FRMD6: variants seen among roughly 807,000 people sequenced by gnomAD.
The protein encoded by FRMD6 is FERM domain-containing protein 6.
FRMD6 carries 37 observed loss-of-function variants against 73.2 expected under a neutral mutation model. The ratio of observed to expected loss-of-function variants is 0.51; its 90% CI spans 0.39 to 0.66. The LOEUF is 0.66. FRMD6 is among the 30% of genes least tolerant of loss of function. The pLI is 0.00. For synonymous variants in FRMD6, 273 were observed against 282.2 expected, an observed-to-expected ratio of 0.97 and a Z score of 0.33; for missense variants, 714 against 780.5, an observed-to-expected ratio of 0.91 and a Z score of 1.02.
chr14:51,712,596 C>A, intron 9 of FRMD6, 45 bp downstream of exon 9: 1 of 1,221,044 alleles, frequency 8.2e-7, no homozygotes, highest in Admixed American at 1.9e-5. Flanking sequence ...TCATTAATTG[C>A]TTACTTTTTT....
At chr14:51,720,030 A>T in intron 10 of FRMD6, 25 bp from the exon 11 acceptor site, 1 of 1,577,340 alleles carries the variant, frequency 6.3e-7, no homozygotes, top group Non-Finnish European at 8.6e-7. Context: ...GTCTTGGTTA[A>T]TGAACTGTGT....
intron 1 of FRMD6, among the ~76,000 whole-genome samples, chr14:51,521,911 A>C (rs1884977226): frequency 6.6e-6 from 1 of 152,144 alleles, no homozygotes; most frequent in African/African-American, 2.4e-5. Context: ...AACAAATCAT[A>C]TTTGTGGTCA....
At chr14:51,532,350 C>T (rs532638494) in intron 1 of FRMD6, among the ~76,000 whole-genome samples, 1 of 126,334 alleles carries the variant, frequency 7.9e-6, no homozygotes, top group East Asian at 2.2e-4. Context: ...GCCTGGGTGA[C>T]AGAGCGAGAC....
At chr14:51,585,654 A>T (rs1313284652) in intron 2 of FRMD6, among the ~76,000 whole-genome samples, 1 of 151,894 alleles carries the variant, frequency 6.6e-6, no homozygotes, top group Non-Finnish European at 1.5e-5. Flanking sequence ...TGTTGTAAGG[A>T]TTAAAGGTTA....
In FRMD6 at chr14:51,725,807, C is replaced by T. The variant is rs766772163; in HGVS notation, c.1521C>T (p.Ser507=). 1.1e-5 allele frequency: 17 copies of T among 1,613,526 alleles called. 1 individual carries two copies. The South Asian group carries it at 1.6e-4, about 16-fold the overall frequency. ...SGLIVKEIGS[S]TSSSSETVVK... ...TGATTGTGAAAGAAATTGGGTCTTC[C>T]ACCTCGAGCTCTTCAGAAACAGTTG... The change falls in exon 13 of 14, where the codon TCC becomes TCT. Residue 507 remains serine (S), a synonymous_variant. Transcript: ENST00000344768.
intron 4 of FRMD6, among the ~76,000 whole-genome samples, chr14:51,701,805 A>T (rs1343386144): frequency 4.6e-5 from 7 of 151,740 alleles, no homozygotes; most frequent in Admixed American, 2.6e-4. Context: ...TGGCTATGCT[A>T]GGTGTCAAAA....
chr14:51,706,547 G>A (rs550365637), intron 6 of FRMD6, among the ~76,000 whole-genome samples: 1 of 152,022 alleles, frequency 6.6e-6, no homozygotes, highest in South Asian at 2.1e-4. Context: ...CCAGCCATTG[G>A]TGTGTCTCCA....
the FRMD6 span, among the ~76,000 whole-genome samples, chr14:51,442,885 A>G: frequency 3.3e-5 from 5 of 152,218 alleles, no homozygotes; most frequent in African/African-American, 9.6e-5. Flanking sequence ...AAGAAAACAA[A>G]CAGAGTGACG....
intron 1 of FRMD6, among the ~76,000 whole-genome samples, chr14:51,568,845 CTT>C (rs538670816): frequency 2.2e-4 from 30 of 137,324 alleles, no homozygotes; most frequent in Admixed American, 5.9e-4. Context: ...AAGGCTTTTA[CTT>C]TTTTTTTTTT....
the FRMD6 span, among the ~76,000 whole-genome samples, chr14:51,471,462 C>T: frequency 6.7e-6 from 1 of 150,198 alleles, no homozygotes; most frequent in East Asian, 2.0e-4. Context: ...GATAGCGCCA[C>T]TGCACTCCAG....
intron 2 of FRMD6, among the ~76,000 whole-genome samples, chr14:51,592,991 T>C (rs1214449230): frequency 6.6e-6 from 1 of 152,218 alleles, no homozygotes; most frequent in Non-Finnish European, 1.5e-5. Context: ...CAGTCTTTGA[T>C]GTGGGAGGAA....
At chr14:51,495,956 A>C (rs765485679) in intron 1 of FRMD6, among the ~76,000 whole-genome samples, 44 of 152,242 alleles carry the variant, frequency 2.9e-4, no homozygotes, top group Non-Finnish European at 6.2e-4. Flanking sequence ...TGATGATATT[A>C]GTACCCTGTG....
At chr14:51,589,767 A>G (rs1417799574) in intron 2 of FRMD6, among the ~76,000 whole-genome samples, 1 of 152,338 alleles carries the variant, frequency 6.6e-6, no homozygotes, top group South Asian at 2.1e-4. Flanking sequence ...CCAGATATCA[A>G]TAAATGATCA....
At chr14:51,439,434 G>A in the FRMD6 span, among the ~76,000 whole-genome samples, 2 of 152,140 alleles carry the variant, frequency 1.3e-5, no homozygotes, top group South Asian at 4.1e-4. Flanking sequence ...ATGCATGCAA[G>A]GCTCTTTGCT....
intron 1 of FRMD6, among the ~76,000 whole-genome samples, chr14:51,532,518 G>T (rs537133701): frequency 6.6e-6 from 1 of 152,274 alleles, no homozygotes; most frequent in African/African-American, 2.4e-5. Flanking sequence ...CCACCCCAGG[G>T]TCCATGATAC....
intron 1 of FRMD6, among the ~76,000 whole-genome samples, chr14:51,531,070 G>A (rs183197390): frequency 1.3e-5 from 2 of 152,258 alleles, no homozygotes; most frequent in East Asian, 3.9e-4. Flanking sequence ...GTGGCCTCAA[G>A]CCCTTTCATA....
Position 51,716,026 on chromosome 14 carries a change from CAA to C in FRMD6, c.1024+529_1024+530del, listed in dbSNP as rs554305029. Among the ~76,000 whole-genome samples the C allele has an allele frequency of 1.1e-3, 170 of 152,274 alleles. 1 individual carries two copies. Among genetic ancestry groups the C allele is most frequent in the African/African-American group, 3.8e-3 (158 of 41,556 alleles). On this transcript the variant is annotated intron_variant, in intron 10 of 13. Transcript: ENST00000344768. ...AGTCTGTTCTAGCAAGAGTGCCAAA[CAA>C]AGGAGAGGGAAGTCAGCTGGTCCTG...
intron 1 of FRMD6, among the ~76,000 whole-genome samples, chr14:51,689,206 A>G (rs997660109): frequency 1.3e-5 from 2 of 152,372 alleles, no homozygotes; most frequent in East Asian, 1.9e-4. Context: ...TTCCTTTGGC[A>G]GAGCCATGTT....
At chr14:51,448,622 G>A in the FRMD6 span, among the ~76,000 whole-genome samples, 2 of 152,278 alleles carry the variant, frequency 1.3e-5, no homozygotes, top group Admixed American at 6.5e-5. Context: ...GTCATTTAGC[G>A]CTTACAGTAA....
Sources: allele counts gnomAD v4.1 joint callset (sites outside exome capture counted in the v4.1 genomes callset), GRCh38; gene constraint gnomAD v4.1.1; transcripts MANE v1.5; gene names NCBI Gene and HGNC (gene_info 2026-07-23, HGNC 2026-07-21).